The following CDH18 variants were observed in gnomAD, a reference collection of about 807,000 sequenced individuals.
CDH18 encodes cadherin 18.
In CDH18, 31 loss-of-function variants were observed where a neutral mutation model predicts 67.9. The ratio of observed to expected loss-of-function variants is 0.46; its 90% confidence interval spans 0.34 to 0.62. CDH18 has a LOEUF of 0.62. Ranked by LOEUF, CDH18 falls within the 20% of genes least tolerant of loss-of-function variation. The pLI, the probability that CDH18 is intolerant of heterozygous loss-of-function variation, is 0.01. For synonymous variants in CDH18, 362 were observed against 347.2 expected (o/e 1.04, Z -0.48); for missense variants, 890 against 975.5 (o/e 0.91, Z 1.17).
chr5:19,992,661 A>G (rs80035115), upstream of CDH18, among the ~76,000 whole-genome samples: 12,277 of 152,176 alleles, frequency 0.081, 515 homozygotes, highest in East Asian at 0.14. Flanking sequence ...AGGAGAAAAC[A>G]GTGGGACCAC....
At chr5:19,731,215 C>T (rs779718388) in intron 4 of CDH18, among the ~76,000 whole-genome samples, 11 of 152,002 alleles carry the variant, frequency 7.2e-5, no homozygotes, top group Non-Finnish European at 1.2e-4. Flanking sequence ...TTTGGGAGGC[C>T]GAGACGGGTG....
intron 2 of CDH18, among the ~76,000 whole-genome samples, chr5:20,255,212 A>T (rs1744141918): frequency 6.6e-6 from 1 of 152,016 alleles, no homozygotes; most frequent in Non-Finnish European, 1.5e-5. Flanking sequence ...CATATAACAA[A>T]CTTGCACATG....
chr5:20,142,354 C>T (rs1399947196), intron 2 of CDH18, among the ~76,000 whole-genome samples: 1 of 151,966 alleles, frequency 6.6e-6, no homozygotes, highest in East Asian at 1.9e-4. Flanking sequence ...CTGAGGTGGG[C>T]GGATCACTTT....
At chr5:19,887,723 CCAT>C (rs1193235892) in intron 2 of CDH18, among the ~76,000 whole-genome samples, 5 of 151,478 alleles carry the variant, frequency 3.3e-5, no homozygotes, top group Non-Finnish European at 7.4e-5. Context: ...GTGCACACCA[CCAT>C]GTGTTTTTTT....
At chr5:20,085,829 C>T (rs1184351902) in intron 2 of CDH18, among the ~76,000 whole-genome samples, 1 of 152,176 alleles carries the variant, frequency 6.6e-6, no homozygotes, top group Admixed American at 6.5e-5. Context: ...CCTCCCACAA[C>T]ACATGGGTAT....
intron 3 of CDH18, among the ~76,000 whole-genome samples, chr5:19,786,405 A>C (rs2149798404): frequency 6.6e-6 from 1 of 152,292 alleles, no homozygotes; most frequent in South Asian, 2.1e-4. Context: ...AGAGAAATAA[A>C]GTAATTGCTT....
intron 3 of CDH18, among the ~76,000 whole-genome samples, chr5:19,796,619 C>T (rs1189682846): frequency 6.6e-6 from 1 of 152,042 alleles, no homozygotes; most frequent in Non-Finnish European, 1.5e-5. Context: ...CAAAAGAATA[C>T]TGAAACTGAA....
chr5:20,567,424 A>G (rs533739528), intron 1 of CDH18, among the ~76,000 whole-genome samples: 1 of 152,092 alleles, frequency 6.6e-6, no homozygotes, highest in South Asian at 2.1e-4. Context: ...AACCTAAAAG[A>G]TGGAGAAGGG....
intron 5 of CDH18, among the ~76,000 whole-genome samples, chr5:19,632,707 T>G (rs1450262661): frequency 6.6e-6 from 1 of 152,242 alleles, no homozygotes; most frequent in Non-Finnish European, 1.5e-5. Flanking sequence ...AATATTTCAT[T>G]TAATTATCCT....
intron 5 of CDH18, among the ~76,000 whole-genome samples, chr5:19,636,520 G>GT (rs1455462713): frequency 6.6e-6 from 1 of 151,670 alleles, no homozygotes; most frequent in Non-Finnish European, 1.5e-5. Flanking sequence ...TGTGTTTAAG[G>GT]TTTAACTTTT....
intron 2 of CDH18, among the ~76,000 whole-genome samples, chr5:20,096,359 T>G (rs754636390): frequency 6.6e-6 from 1 of 152,094 alleles, no homozygotes; most frequent in Non-Finnish European, 1.5e-5. Flanking sequence ...AAATATAGAT[T>G]TTCTTCAGAA....
chr5:19,891,432 T>G (rs1036267226), intron 2 of CDH18, among the ~76,000 whole-genome samples: 4 of 152,136 alleles, frequency 2.6e-5, no homozygotes, highest in Non-Finnish European at 5.9e-5. Context: ...CCCTTCAACT[T>G]GAATTAGTGT....
intron 1 of CDH18, among the ~76,000 whole-genome samples, chr5:20,307,145 A>G (rs1464304023): frequency 6.6e-6 from 1 of 151,490 alleles, no homozygotes; most frequent in African/African-American, 2.4e-5. Flanking sequence ...CAGTATGTGC[A>G]TGGCAACTTA....
chr5:19,834,720 T>G lies in CDH18; in HGVS notation c.228+4039A>C, dbSNP rs527869171. ...CTGTGTCCCAGAGATTCTGGTGTGT[T>G]GTCTCATGGTTCTCATTGGTTTCAA... On this transcript the variant is annotated intron_variant, in intron 3 of 12. Transcript: ENST00000382275. 3.9e-5 allele frequency among the ~76,000 whole-genome samples: 6 copies of G among 152,292 alleles called. No homozygotes were observed. The South Asian group carries it at 1.2e-3, about 32-fold the overall frequency.
chr5:19,948,307 T>C (rs1160645912), intron 2 of CDH18, among the ~76,000 whole-genome samples: 1 of 152,152 alleles, frequency 6.6e-6, no homozygotes, highest in Non-Finnish European at 1.5e-5. Flanking sequence ...TGTAGAAATC[T>C]GTACACAAAT....
intron 4 of CDH18, among the ~76,000 whole-genome samples, chr5:19,741,149 C>T (rs923585280): frequency 3.5e-4 from 18 of 52,166 alleles, no homozygotes; most frequent in Non-Finnish European, 7.0e-4. Context: ...TGTATATGTA[C>T]ATCTATGTCA....
chr5:20,501,546 TTATATATATAATATATATATATAATA>T (rs1384304692), intron 1 of CDH18, among the ~76,000 whole-genome samples: 1 of 23,132 alleles, frequency 4.3e-5, no homozygotes, highest in Non-Finnish European at 1.2e-4. Context: ...TATATACATA[TTATATATATAATATATATATATAATA>T]TATATATATT....
intron 4 of CDH18, among the ~76,000 whole-genome samples, chr5:19,727,139 A>C (rs1766947045): frequency 6.6e-6 from 1 of 152,208 alleles, no homozygotes; most frequent in African/African-American, 2.4e-5. Context: ...ATAAACAAAA[A>C]GTAAATGAAT....
chr5:20,407,550 A>G (rs911922365), intron 1 of CDH18, among the ~76,000 whole-genome samples: 2 of 151,774 alleles, frequency 1.3e-5, no homozygotes, highest in African/African-American at 2.4e-5. Context: ...GAAAAAATGA[A>G]CTAGCCACAT....
Sources: allele counts gnomAD v4.1 joint callset (sites outside exome capture counted in the v4.1 genomes callset), GRCh38; gene constraint gnomAD v4.1.1; transcripts MANE v1.5; gene names NCBI Gene and HGNC (gene_info 2026-07-23, HGNC 2026-07-21).